The following CCDC171 variants were observed in gnomAD, a reference collection of about 807,000 sequenced individuals.
CCDC171 encodes coiled-coil domain containing 171, also known as coiled-coil domain-containing protein 171.
A neutral mutation model predicts 168.2 loss-of-function variants in CCDC171; 177 were observed. The ratio of observed to expected loss-of-function variants is 1.05; its 90% CI spans 0.93 to 1.19. The LOEUF (loss-of-function observed/expected upper bound fraction) is 1.19, where lower values mean the gene tolerates loss of function less well. Ranked by LOEUF, CCDC171 falls within the 50% of genes most tolerant of loss-of-function variation. The pLI, the probability that CCDC171 is intolerant of heterozygous loss-of-function variation, is 0.00. For missense variants in CCDC171, 1,991 were observed against 1,539.0 expected, an observed-to-expected ratio of 1.29 and a Z score of -4.91; for synonymous variants, 687 against 540.8, an observed-to-expected ratio of 1.27 and a Z score of -3.75.
chr9:15,805,619 A>G (rs923938433), intron 21 of CCDC171, among the ~76,000 whole-genome samples: 10 of 152,188 alleles, frequency 6.6e-5, no homozygotes, highest in African/African-American at 2.4e-4. Context: ...GTTTGTTATG[A>G]TTTCAGTTCT....
At chr9:15,611,368 A>C (rs537626320) in intron 6 of CCDC171, among the ~76,000 whole-genome samples, 1 of 152,216 alleles carries the variant, frequency 6.6e-6, no homozygotes, top group Non-Finnish European at 1.5e-5. Context: ...CGGTGATTCT[A>C]GACTGTGTGT....
At chr9:16,076,570 A>T in the CCDC171 span, among the ~76,000 whole-genome samples, 3 of 152,122 alleles carry the variant, frequency 2.0e-5, no homozygotes, top group Admixed American at 2.0e-4. Flanking sequence ...CTAGGGTCCC[A>T]TGCTTCCGGC....
At chr9:16,051,341 G>A (rs1487327554) in intron 1 of CCDC171, among the ~76,000 whole-genome samples, 2 of 152,100 alleles carry the variant, frequency 1.3e-5, no homozygotes, top group East Asian at 3.9e-4. Context: ...TTCATAGCAA[G>A]CAGTCCCCAG....
chr9:15,841,391 T>A (rs2060674775), intron 21 of CCDC171, among the ~76,000 whole-genome samples: 2 of 152,050 alleles, frequency 1.3e-5, no homozygotes, highest in South Asian at 4.1e-4. Context: ...AATCCTGCCT[T>A]TTACATTTAT....
intron 14 of CCDC171, among the ~76,000 whole-genome samples, chr9:15,725,597 C>T (rs1588153292): frequency 6.6e-6 from 1 of 152,096 alleles, no homozygotes; most frequent in Non-Finnish European, 1.5e-5. Context: ...TTACAGGTGT[C>T]CACCACCATG....
chr9:16,006,557 C>A (rs904425418), intron 3 of CCDC171, among the ~76,000 whole-genome samples: 15 of 151,844 alleles, frequency 9.9e-5, no homozygotes, highest in African/African-American at 3.6e-4. Flanking sequence ...CATTAGGTAT[C>A]TCTCCTAATG....
chr9:16,059,079 C>T (rs576221903), intron 1 of CCDC171, among the ~76,000 whole-genome samples: 5 of 152,264 alleles, frequency 3.3e-5, no homozygotes, highest in Non-Finnish European at 7.3e-5. Flanking sequence ...CTGCTGGCTC[C>T]AAAAGAAATG....
intron 6 of CCDC171, among the ~76,000 whole-genome samples, chr9:15,604,784 C>T (rs1307451997): frequency 1.3e-5 from 2 of 151,910 alleles, no homozygotes; most frequent in Admixed American, 6.6e-5. Flanking sequence ...AGTGACAACT[C>T]GGAGGAAGTT....
intron 20 of CCDC171, among the ~76,000 whole-genome samples, chr9:15,781,983 T>A (rs2057691502): frequency 6.6e-6 from 1 of 152,340 alleles, no homozygotes; most frequent in African/African-American, 2.4e-5. Context: ...TTCCTGTGGC[T>A]CTAAAACTCA....
chr9:15,748,532 A>G (rs1267216648), intron 18 of CCDC171, among the ~76,000 whole-genome samples: 2 of 152,202 alleles, frequency 1.3e-5, no homozygotes. Context: ...TAGATTCACC[A>G]AAGTTGAAAT....
At position 15,564,024 on chromosome 9, in the gene CCDC171, AATC is replaced by A. The variant is rs1433555173; in HGVS notation, c.-60_-58del. 2 of 1,314,658 alleles carry A rather than the reference AATC, an allele frequency of 1.5e-6. No individual in the cohort carries two copies. The highest frequency in any genetic ancestry group is 2.2e-6 in the Non-Finnish European group (2 of 920,680). 81.4% of individuals were successfully genotyped at this position (1,314,658 alleles called of 1,614,324 possible). Reference sequence around the variant, plus strand: ...AGCCACAGACATCTTGGGCAATTTTAATCATCAAGAAAGAAATATGTCATTAAG... The same window carrying A: ...AGCCACAGACATCTTGGGCAATTTTAATCAAGAAAGAAATATGTCATTAAG... On this transcript the variant is annotated 5_prime_UTR_variant, in exon 2 of 26. Transcript: ENST00000380701.
At chr9:15,579,142 C>T (rs1045275453) in intron 4 of CCDC171, 119 bp downstream of exon 4, 1 of 745,592 alleles carries the variant, frequency 1.3e-6, no homozygotes, top group Non-Finnish European at 2.1e-6. Context: ...CGTTGACTGA[C>T]TTTTGATGTA....
the CCDC171 span, among the ~76,000 whole-genome samples, chr9:16,100,137 G>A: frequency 6.6e-6 from 1 of 151,942 alleles, no homozygotes; most frequent in African/African-American, 2.4e-5. Flanking sequence ...ACAGTCCTTC[G>A]CTCCCACAGC....
At chr9:15,909,541 G>C (rs561490399) in intron 24 of CCDC171, among the ~76,000 whole-genome samples, 2 of 152,200 alleles carry the variant, frequency 1.3e-5, no homozygotes, top group South Asian at 4.2e-4. Flanking sequence ...AGTATTTGTG[G>C]GCAGGACCAG....
chr9:15,570,250 C>T (rs201545689), intron 2 of CCDC171, among the ~76,000 whole-genome samples: 20 of 152,040 alleles, frequency 1.3e-4, no homozygotes, highest in East Asian at 3.9e-4. Flanking sequence ...GGAGGCCAGG[C>T]GTGAGCCACT....
At chr9:15,920,507 T>C (rs965545557) in intron 25 of CCDC171, 85 bp downstream of exon 25, 10 of 939,292 alleles carry the variant, frequency 1.1e-5, no homozygotes, top group Non-Finnish European at 1.4e-5. Flanking sequence ...CATAAGATCA[T>C]TTGCCAATAT....
intron 10 of CCDC171, among the ~76,000 whole-genome samples, chr9:15,693,334 G>A (rs920640397): frequency 6.6e-6 from 1 of 152,050 alleles, no homozygotes; most frequent in African/African-American, 2.4e-5. Context: ...TTGATGAAGG[G>A]CATCCTCCTA....
intron 25 of CCDC171, among the ~76,000 whole-genome samples, chr9:15,948,973 T>G (rs961771224): frequency 6.6e-6 from 1 of 152,228 alleles, no homozygotes; most frequent in African/African-American, 2.4e-5. Flanking sequence ...ATTTAAGTCT[T>G]TAATCCATCT....
At chr9:15,653,029 T>C (rs2047647266) in intron 7 of CCDC171, among the ~76,000 whole-genome samples, 1 of 152,198 alleles carries the variant, frequency 6.6e-6, no homozygotes, top group Non-Finnish European at 1.5e-5. Flanking sequence ...ACGTCAGCAA[T>C]ATATGTAGGA....
Sources: gnomAD v4.1 joint callset for allele counts (sites outside exome capture counted in the v4.1 genomes callset) on GRCh38, gnomAD v4.1.1 for gene constraint, MANE v1.5 for transcripts, NCBI Gene and HGNC (gene_info 2026-07-23, HGNC 2026-07-21) for gene names.